RAB33A: variants seen among roughly 807,000 people sequenced by gnomAD.
The protein encoded by RAB33A is ras-related protein Rab-33A.
RAB33A carries 6 observed loss-of-function variants against 12.0 expected under a neutral mutation model. The observed-to-expected ratio is 0.50, with a 90% CI of 0.27 to 0.99. RAB33A has a LOEUF of 0.99. RAB33A is among the 50% of genes least tolerant of loss of function. The pLI, the probability that RAB33A is intolerant of heterozygous loss-of-function variation, is 0.11. For missense variants in RAB33A, 109 were observed against 192.0 expected (o/e 0.57, Z 2.55); for synonymous variants, 70 against 82.4 (o/e 0.85, Z 0.81).
the RAB33A span, among the ~76,000 whole-genome samples, chrX:130,157,793 C>T: frequency 2.3e-4 from 25 of 108,087 alleles, no homozygotes; most frequent in African/African-American, 7.8e-4. Context: ...GGTGAAACCC[C>T]GTTAAAAATT....
the RAB33A span, chrX:130,149,404 C>G: frequency 1.0e-6 from 1 of 955,889 alleles, no homozygotes. Context: ...ATCACAGCAC[C>G]CAAACTGTTT....
chrX:130,115,662 A>AGC, the RAB33A span, among the ~76,000 whole-genome samples: 2 of 97,677 alleles, frequency 2.0e-5, no homozygotes, highest in African/African-American at 8.0e-5. Context: ...AGAAAGAGAG[A>AGC]AAGAGAGAGA....
intron 1 of RAB33A, among the ~76,000 whole-genome samples, chrX:130,174,440 C>T (rs1296022504): frequency 8.9e-6 from 1 of 111,816 alleles, no homozygotes; most frequent in Non-Finnish European, 1.9e-5. Flanking sequence ...TGCTGGCAGG[C>T]GAGAGACCAG....
chrX:130,121,403 A>C, the RAB33A span, among the ~76,000 whole-genome samples: 6 of 108,240 alleles, frequency 5.5e-5, no homozygotes, highest in South Asian at 8.1e-4. Context: ...GGCGCCCACC[A>C]CCACGCCCAG....
the RAB33A span, chrX:130,137,480 C>T: frequency 8.6e-7 from 1 of 1,167,729 alleles, no homozygotes; most frequent in Non-Finnish European, 1.1e-6. Context: ...TTTGCAACCT[C>T]TGAATAGGAA....
chrX:130,165,760 G>A, the RAB33A span: 1 of 658,544 alleles, frequency 1.5e-6, no homozygotes, highest in Non-Finnish European at 2.4e-6. Flanking sequence ...CTCTTCACAC[G>A]CACATTACGC....
At chrX:130,122,323 C>T in the RAB33A span, among the ~76,000 whole-genome samples, 13 of 113,055 alleles carry the variant, frequency 1.1e-4, no homozygotes, top group East Asian at 3.6e-3. Flanking sequence ...CTGCTGGCCT[C>T]TGAAACACCT....
At chrX:130,171,950 ACG>A (rs1668449269), upstream of RAB33A, 2 of 863,808 alleles carry the variant, frequency 2.3e-6, no homozygotes, top group Non-Finnish European at 3.1e-6. Flanking sequence ...ACACACACAC[ACG>A]CGCGCACACA....
chrX:130,162,617 C>T, the RAB33A span, among the ~76,000 whole-genome samples: 1 of 112,416 alleles, frequency 8.9e-6, no homozygotes, highest in Admixed American at 9.4e-5. Context: ...GAAGACTCAT[C>T]TTTTAGGCTT....
chrX:130,168,371 C>T (rs1358932972), upstream of RAB33A, among the ~76,000 whole-genome samples: 3 of 109,118 alleles, frequency 2.7e-5, no homozygotes, highest in Non-Finnish European at 3.8e-5. Flanking sequence ...GATGCCACCG[C>T]GCCCTGCTAA....
At chrX:130,121,731 G>A in the RAB33A span, among the ~76,000 whole-genome samples, 1 of 112,589 alleles carries the variant, frequency 8.9e-6, no homozygotes, top group African/African-American at 3.2e-5. Flanking sequence ...GGAATTGCAT[G>A]TTTGCAAGAT....
the RAB33A span, chrX:130,139,945 C>T: frequency 2.5e-4 from 221 of 871,877 alleles, 3 homozygotes; most frequent in East Asian, 6.8e-3. Context: ...CTCCACCACA[C>T]AAAGGTGGAG....
chrX:130,152,934 A>G, the RAB33A span, among the ~76,000 whole-genome samples: 1 of 111,766 alleles, frequency 8.9e-6, no homozygotes, highest in Non-Finnish European at 1.9e-5. Flanking sequence ...ATACCTAGTA[A>G]GAGTAGTTTT....
the RAB33A span, among the ~76,000 whole-genome samples, chrX:130,121,664 C>T: frequency 4.4e-5 from 5 of 112,596 alleles, no homozygotes; most frequent in Non-Finnish European, 7.5e-5. Context: ...TCTCCGCGCC[C>T]CTGTTCCAAC....
At chrX:130,142,113 G>A in the RAB33A span, among the ~76,000 whole-genome samples, 1 of 112,068 alleles carries the variant, frequency 8.9e-6, no homozygotes, top group Non-Finnish European at 1.9e-5. Context: ...AGTGATCCTT[G>A]CTGCTTTCAG....
At chrX:130,179,315 C>T (rs1196482487) in intron 1 of RAB33A, among the ~76,000 whole-genome samples, 2 of 112,018 alleles carry the variant, frequency 1.8e-5, no homozygotes, top group African/African-American at 6.5e-5. Context: ...AATGGCCAAC[C>T]TCACTCAGCC....
At chrX:130,128,502 G>A in the RAB33A span, among the ~76,000 whole-genome samples, 1 of 111,702 alleles carries the variant, frequency 9.0e-6, no homozygotes, top group African/African-American at 3.3e-5. Context: ...AATCCGGGAG[G>A]TAGAGGTTGT....
the RAB33A span, among the ~76,000 whole-genome samples, chrX:130,110,981 C>T: frequency 1.5e-5 from 1 of 64,654 alleles, no homozygotes; most frequent in Non-Finnish European, 2.8e-5. Context: ...AGGGAGGGAC[C>T]GACGGGAGGG....
At chrX:130,164,117 G>A in the RAB33A span, among the ~76,000 whole-genome samples, 1 of 104,633 alleles carries the variant, frequency 9.6e-6, no homozygotes, top group African/African-American at 3.5e-5. Context: ...GCAGTGAGCC[G>A]AGATCGCGCC....
Sources: gnomAD v4.1 joint callset for allele counts (sites outside exome capture counted in the v4.1 genomes callset) on GRCh38, gnomAD v4.1.1 for gene constraint, MANE v1.5 for transcripts, NCBI Gene and HGNC (gene_info 2026-07-23, HGNC 2026-07-21) for gene names.